The following DNAH17 variants were observed in gnomAD, a reference collection of about 807,000 sequenced individuals.
DNAH17 encodes dynein axonemal heavy chain 17, also known as axonemal beta dynein heavy chain 17.
In DNAH17, 376 loss-of-function variants were observed where a neutral mutation model predicts 485.6. That is an observed-to-expected ratio of 0.77 (90% CI 0.71 to 0.84). The LOEUF (loss-of-function observed/expected upper bound fraction) is 0.84, where lower values mean the gene tolerates loss of function less well. Ranked by LOEUF, DNAH17 falls within the 40% of genes least tolerant of loss-of-function variation. DNAH17 has a pLI of 0.00. For synonymous variants in DNAH17, 3,031 were observed against 2,405.9 expected (o/e 1.26, Z -7.60); for missense variants, 6,370 against 5,839.3 (o/e 1.09, Z -2.96).
chr17:78,510,121 G>T (rs1269859450), intron 27 of DNAH17, among the ~76,000 whole-genome samples: 2 of 152,238 alleles, frequency 1.3e-5, no homozygotes, highest in Non-Finnish European at 1.5e-5. Flanking sequence ...GGTGGAGGTT[G>T]CAGTGAGCCA....
intron 25 of DNAH17, among the ~76,000 whole-genome samples, chr17:78,519,030 T>A (rs142096129): frequency 2.6e-5 from 4 of 151,728 alleles, no homozygotes; most frequent in Non-Finnish European, 5.9e-5. Context: ...TAGCCGGGCG[T>A]GGTGGCGGGC....
chr17:78,532,860 G>T, intron 19 of DNAH17, 124 bp from the exon 20 acceptor site: 2 of 1,168,220 alleles, frequency 1.7e-6, no homozygotes, highest in Non-Finnish European at 2.3e-6. Context: ...CTCTCATGAT[G>T]ACCTGCTCTT....
intron 14 of DNAH17, among the ~76,000 whole-genome samples, chr17:78,553,800 T>C (rs1163567394): frequency 6.6e-6 from 1 of 152,176 alleles, no homozygotes; most frequent in Non-Finnish European, 1.5e-5. Context: ...GGTGTAAAAG[T>C]AATTGCCATC....
Position 78,574,845 on chromosome 17 carries a change from G to C in DNAH17, c.213C>G (p.Ser71=). Residue 71 remains serine, a synonymous_variant, in exon 2 of 81, where the codon TCC becomes TCG. Transcript: ENST00000389840. ...TGAAGTAAACCCCTTTGGACTTGAG[G>C]GACTGGGGGAAGCCCAGGCAGGGTA... ...MIIPCLGFPQ[S]LKSKGVYFIK... 1 of 1,613,990 alleles carries C rather than the reference G, an allele frequency of 6.2e-7. No individual in the cohort carries two copies. The highest frequency in any genetic ancestry group is 8.5e-7 in the Non-Finnish European group (1 of 1,179,888).
At chr17:78,510,680 C>T in intron 26 of DNAH17, 174 bp from the exon 27 acceptor site, 1 of 787,118 alleles carries the variant, frequency 1.3e-6, no homozygotes, top group Non-Finnish European at 2.0e-6. Context: ...GAAGTGACTT[C>T]TCCAAGCCTC....
At chr17:78,464,198 G>A (rs575131534) in intron 56 of DNAH17, among the ~76,000 whole-genome samples, 139 of 152,300 alleles carry the variant, frequency 9.1e-4, no homozygotes, top group African/African-American at 3.2e-3. Context: ...AGTGAGCCAG[G>A]GTTTATGGGT....
chr17:78,480,844 C>A (rs1479464640), intron 48 of DNAH17, 58 bp from the exon 49 acceptor site: 3 of 1,224,676 alleles, frequency 2.4e-6, no homozygotes, highest in African/African-American at 3.0e-5. Context: ...CCATCCCCTG[C>A]CCCCACTGTG....
At chr17:78,431,516 G>A (rs369147288) in intron 75 of DNAH17, among the ~76,000 whole-genome samples, 2 of 151,860 alleles carry the variant, frequency 1.3e-5, no homozygotes, top group African/African-American at 2.4e-5. Context: ...CCTGCAGGTT[G>A]CTCTGTGTTT....
At chr17:78,477,868 C>A (rs1265082153) in intron 51 of DNAH17, among the ~76,000 whole-genome samples, 1 of 152,140 alleles carries the variant, frequency 6.6e-6, no homozygotes, top group South Asian at 2.1e-4. Flanking sequence ...AATATTATTA[C>A]CATCACCACC....
intron 48 of DNAH17, among the ~76,000 whole-genome samples, chr17:78,481,016 C>G (rs966519169): frequency 2.7e-5 from 4 of 149,192 alleles, no homozygotes; most frequent in Non-Finnish European, 6.0e-5. Flanking sequence ...AGGATGGTCT[C>G]GATCTCCTAA....
At position 78,454,676 on chromosome 17, in the gene DNAH17, A is replaced by G; in HGVS notation, c.10200T>C (p.Asp3400=). 6.2e-7 allele frequency: 1 copy of G among 1,612,086 alleles called. No homozygotes were observed. The change falls in exon 64 of 81, where the codon GAT becomes GAC. Residue 3400 remains aspartate (D), a synonymous_variant. Transcript: ENST00000389840. ...KVPIPITNGL[D]PLSLLTDDAD... ...CGTCATCTGTCAGCAGGCTCAAGGGATCCAGGCCATTCGTGATCGGGATGG... is the reference window on the plus strand; with the variant it reads ...CGTCATCTGTCAGCAGGCTCAAGGGGTCCAGGCCATTCGTGATCGGGATGG...
chr17:78,490,967 C>G, intron 43 of DNAH17, 120 bp from the exon 44 acceptor site: 1 of 1,257,246 alleles, frequency 8.0e-7, no homozygotes, highest in Non-Finnish European at 1.1e-6. Context: ...CAGGCCAGCC[C>G]TGCCACCCCT....
Position 78,479,479 on chromosome 17 carries a change from G to C in DNAH17, c.7900+6C>G. The C allele has an allele frequency of 6.2e-7, 1 of 1,607,230 alleles. No individual in the cohort carries two copies. Among genetic ancestry groups the C allele is most frequent in the African/African-American group, 1.3e-5 (1 of 74,802 alleles). On this transcript the variant is annotated splice_donor_region_variant and intron_variant, in intron 50 of 80. Transcript: ENST00000389840. Reference sequence around the variant, plus strand: ...ATGGGAGAGGGGATGAGGCCAGCCAGCTTACCCAGGGCCGCGGCCACCAGC... The same window carrying C: ...ATGGGAGAGGGGATGAGGCCAGCCACCTTACCCAGGGCCGCGGCCACCAGC...
At chr17:78,493,885 C>CT (rs1427419335) in intron 41 of DNAH17, 151 bp downstream of exon 41, 12 of 1,153,914 alleles carry the variant, frequency 1.0e-5, no homozygotes, top group Non-Finnish European at 1.4e-5. Flanking sequence ...CCCCAGCTTC[C>CT]TCCCTGGCCC....
chr17:78,571,581 A>C lies in DNAH17; in HGVS notation c.732+9T>G, dbSNP rs1020338118. The C allele has an allele frequency of 1.9e-6, 3 of 1,613,544 alleles. No individual in the cohort carries two copies. The highest frequency in any genetic ancestry group is 2.5e-6 in the Non-Finnish European group (3 of 1,179,676). On this transcript the variant is annotated intron_variant, in intron 4 of 80. Transcript: ENST00000389840. ...AGGCTGCAGCCCCACAGGAGAGAGG[A>C]GGCCGTACCTGTTCATGGATGCACT...
At chr17:78,532,857 G>A (rs1285885775) in intron 19 of DNAH17, 121 bp from the exon 20 acceptor site, 21 of 1,178,152 alleles carry the variant, frequency 1.8e-5, no homozygotes, top group Middle Eastern at 2.8e-4. Context: ...AATCTCTCAT[G>A]ATGACCTGCT....
intron 72 of DNAH17, among the ~76,000 whole-genome samples, chr17:78,439,780 C>T (rs1254110013): frequency 6.6e-6 from 1 of 151,208 alleles, no homozygotes; most frequent in East Asian, 1.9e-4. Context: ...AGTGATTCTC[C>T]TGCCTCAGCC....
chr17:78,499,142 G>GCTGGGAGGGTGA (rs749282984), intron 36 of DNAH17, 30 bp from the exon 37 acceptor site: 1 of 1,498,290 alleles, frequency 6.7e-7, no homozygotes, highest in South Asian at 1.3e-5. Context: ...GAAAGGAAGA[G>GCTGGGAGGGTGA]CTGGGAGGGT....
intron 48 of DNAH17, among the ~76,000 whole-genome samples, chr17:78,481,116 T>G (rs1470592809): frequency 6.8e-6 from 1 of 147,912 alleles, no homozygotes; most frequent in East Asian, 2.0e-4. Flanking sequence ...GCTTTTTTTT[T>G]TTTTGAGATG....
Sources: gnomAD v4.1 joint callset for allele counts (sites outside exome capture counted in the v4.1 genomes callset) on GRCh38, gnomAD v4.1.1 for gene constraint, MANE v1.5 for transcripts, NCBI Gene and HGNC (gene_info 2026-07-23, HGNC 2026-07-21) for gene names.